PEX5: variants seen among roughly 807,000 people sequenced by gnomAD.
PEX5 encodes PTS1 receptor.
A neutral mutation model predicts 82.9 loss-of-function variants in PEX5; 52 were observed. The observed-to-expected ratio is 0.63, with a 90% CI of 0.50 to 0.79. The LOEUF is 0.79. Ranked by LOEUF, PEX5 falls within the 30% of genes least tolerant of loss-of-function variation. The pLI is 0.00. For synonymous variants in PEX5, 300 were observed against 318.8 expected, an observed-to-expected ratio of 0.94 and a Z score of 0.63; for missense variants, 719 against 815.2, an observed-to-expected ratio of 0.88 and a Z score of 1.44.
At chr12:7,197,440 TTATGTTATATATAATGTAATAATTATA>T (rs1591706386) in intron 5 of PEX5, among the ~76,000 whole-genome samples, 1 of 89,136 alleles carries the variant, frequency 1.1e-5, no homozygotes, top group Non-Finnish European at 2.4e-5. Flanking sequence ...TACAATGTAA[TTATGTTATATATAATGTAATAATTATA>T]TATGTTATAT....
rs1169699895 is a variant in PEX5 at position 7,209,786 on chromosome 12, A to G, written c.1664A>G (p.Tyr555Cys). 5 of 1,614,078 alleles carry G rather than the reference A, an allele frequency of 3.1e-6. No individual in the cohort carries two copies. The South Asian group carries it at 3.3e-5, about 11-fold the overall frequency. Residue 555 changes from tyrosine to cysteine, a missense_variant, in exon 15 of 16, where the codon TAT becomes TGT. By Grantham distance (194) the Tyr-to-Cys change is radical (BLOSUM62 -2). Coordinates refer to ENST00000675855, the MANE Select transcript of PEX5 (RefSeq NM_001351132.2). Reference protein sequence around the residue: ...YRRALELQPGYIRSRYNLGIS... With the variant: ...YRRALELQPGCIRSRYNLGIS... ...CGGGCCCTCGAGCTCCAGCCTGGCT[A>G]TATCCGGTCCCGCTATAACCTGGGC...
chr12:7,202,680 T>A lies in PEX5; in HGVS notation c.822T>A (p.Phe274Leu). ...ACACATCTGCCCTTGATATGGAGTT[T>A]GAACGAGCCAAGTCAGCTATAGAGG... ...PVNTSALDME[F>L]ERAKSAIESD... The change falls in exon 9 of 16, where the codon TTT becomes TTA. Residue 274 changes from phenylalanine (F) to leucine (L), a missense_variant. Phe to Leu is a conservative substitution (Grantham distance 22, BLOSUM62 0). Coordinates refer to ENST00000675855, the MANE Select transcript of PEX5 (RefSeq NM_001351132.2). 1.2e-6 allele frequency: 2 copies of A among 1,613,954 alleles called. No homozygotes were observed. The highest frequency in any genetic ancestry group is 1.7e-6 in the Non-Finnish European group (2 of 1,179,878).
At chr12:7,214,795 G>A (rs901669832), downstream of PEX5, among the ~76,000 whole-genome samples, 4 of 151,952 alleles carry the variant, frequency 2.6e-5, no homozygotes, top group African/African-American at 9.7e-5. Flanking sequence ...TTAAAAACAT[G>A]AATAGATGTT....
chr12:7,216,706 T>C (rs934222058), intron 17 of PEX5, among the ~76,000 whole-genome samples: 10 of 152,308 alleles, frequency 6.6e-5, no homozygotes, highest in Admixed American at 4.6e-4. Context: ...TTTTAGAAAC[T>C]TAGACCCAAA....
chr12:7,206,310 T>G (rs1015988795), intron 10 of PEX5, among the ~76,000 whole-genome samples: 1 of 152,244 alleles, frequency 6.6e-6, no homozygotes, highest in Non-Finnish European at 1.5e-5. Flanking sequence ...CAAATTTTAG[T>G]GTCCATAAAT....
At chr12:7,215,161 C>G (rs1945743129), downstream of PEX5, among the ~76,000 whole-genome samples, 1 of 152,098 alleles carries the variant, frequency 6.6e-6, no homozygotes, top group South Asian at 2.1e-4. Flanking sequence ...AAAAAATGCT[C>G]AACATTACTA....
chr12:7,208,667 T>C lies in PEX5; in HGVS notation c.1392T>C (p.Ser464=), dbSNP rs2136238346. ...PSKRILGSLL[S]DSLFLEVKEL... ...AGCGTATCCTGGGATCTCTCTTGTC[T>C]GAGTGAGTATGAGGGGTTCCTAGGA... The change falls in exon 13 of 16, where the codon TCT becomes TCC. Residue 464 remains serine, a splice_region_variant and synonymous_variant. Coordinates refer to ENST00000675855, the MANE Select transcript of PEX5 (RefSeq NM_001351132.2). 1 of 1,607,868 alleles carries C rather than the reference T, an allele frequency of 6.2e-7. No individual in the cohort carries two copies. Among genetic ancestry groups the C allele is most frequent in the Non-Finnish European group, 8.5e-7 (1 of 1,174,476 alleles).
chr12:7,199,134 C>T, intron 6 of PEX5, 21 bp downstream of exon 6: 1 of 1,395,264 alleles, frequency 7.2e-7, no homozygotes, highest in Non-Finnish European at 1.0e-6. Context: ...ATACCTCTTT[C>T]CGAATCCCGT....
intron 6 of PEX5, among the ~76,000 whole-genome samples, chr12:7,199,629 C>G (rs1363378024): frequency 1.3e-5 from 2 of 151,378 alleles, no homozygotes; most frequent in African/African-American, 2.4e-5. Flanking sequence ...CAGCAACCAT[C>G]GGATTTCTCA....
chr12:7,199,681 G>A (rs1378103068), intron 6 of PEX5, among the ~76,000 whole-genome samples: 4 of 149,814 alleles, frequency 2.7e-5, no homozygotes, highest in African/African-American at 7.3e-5. Context: ...CCACAAAACC[G>A]CCATTGTCAT....
rs1300885117 is a variant in PEX5, at chr12:7,203,181, A to G, written c.847-251A>G. Among the ~76,000 whole-genome samples, 10 of 82,590 alleles carry G rather than the reference A, an allele frequency of 1.2e-4. 2 individuals are homozygous for G. The highest frequency in any genetic ancestry group is 3.8e-4 in the Admixed American group (2 of 5,254). 54.2% of individuals were successfully genotyped at this position (82,590 alleles called of 152,430 possible). The stretch of plus-strand genomic sequence containing the variant: ...CTCAAACAAAAAACTAAACTAAACT[A>G]TGCACTGCACTGCACTGCACTGCAC... On this transcript the variant is annotated intron_variant, in intron 9 of 15. Transcript: ENST00000675855.
At chr12:7,200,732 A>G (rs2136113707) in intron 6 of PEX5, among the ~76,000 whole-genome samples, 1 of 152,322 alleles carries the variant, frequency 6.6e-6, no homozygotes, top group East Asian at 1.9e-4. Context: ...CACCAAAAAA[A>G]TACGAAAACC....
chr12:7,209,134 G>A lies in PEX5; in HGVS notation c.1524G>A (p.Val508=). ...TGAGTGGGGAGTATGACAAGGCCGTGGACTGCTTCACAGCTGCCCTCAGCG... is the reference window on the plus strand; with the variant it reads ...TGAGTGGGGAGTATGACAAGGCCGTAGACTGCTTCACAGCTGCCCTCAGCG... The part of the protein sequence containing the change: ...FNLSGEYDKA[V]DCFTAALSVR... Residue 508 remains valine, a synonymous_variant, in exon 14 of 16, where the codon GTG becomes GTA. Coordinates refer to ENST00000675855, the MANE Select transcript of PEX5 (RefSeq NM_001351132.2). 6.2e-7 allele frequency: 1 copy of A among 1,614,008 alleles called. No individual in the cohort carries two copies. The highest frequency in any genetic ancestry group is 1.1e-5 in the South Asian group (1 of 91,072).
Position 7,190,924 on chromosome 12 carries a change from G to A in PEX5, c.183+1G>A. 1.2e-6 allele frequency: 2 copies of A among 1,612,210 alleles called. No individual in the cohort carries two copies. The highest frequency in any genetic ancestry group is 8.5e-7 in the Non-Finnish European group (1 of 1,178,244). On this transcript the variant is annotated splice_donor_variant, in intron 3 of 15. Transcript: ENST00000675855. LOFTEE classifies it high-confidence loss of function. ...TTTGGGAGTAGCTTCTGAAGATGAG[G>A]TAAATAGACCAGTCTCTTTTCTGTC... is the stretch of plus-strand genomic sequence containing the variant.
chr12:7,190,053 C>T (rs754390279), intron 1 of PEX5: 1 of 1,501,246 alleles, frequency 6.7e-7, no homozygotes, highest in Non-Finnish European at 8.8e-7. Flanking sequence ...TTGAAGCGTC[C>T]CCGTGGTCCC....
chr12:7,202,773 A>C (rs1944267502), intron 9 of PEX5, 69 bp downstream of exon 9: 2 of 1,047,650 alleles, frequency 1.9e-6, no homozygotes, highest in South Asian at 2.5e-5. Flanking sequence ...GGGTGTATGA[A>C]CATCAAAGAT....
At position 7,208,477 on chromosome 12, in the gene PEX5, A is replaced by G; in HGVS notation, c.1202A>G (p.Asp401Gly). ...AACAGGTGTCTGGAGCTAAAGCCAG[A>G]TAACCAGACAGCACTGATGGCGCTG... Reference protein sequence around the residue: ...ALRRCLELKPDNQTALMALAV... With the variant: ...ALRRCLELKPGNQTALMALAV... The change falls in exon 13 of 16, where the codon GAT (aspartate) becomes GGT (glycine). Residue 401 changes from aspartate to glycine, a missense_variant. Coordinates refer to ENST00000675855, the MANE Select transcript of PEX5 (RefSeq NM_001351132.2). 6.2e-7 allele frequency: 1 copy of G among 1,614,082 alleles called. No individual in the cohort carries two copies. The highest frequency in any genetic ancestry group is 8.5e-7 in the Non-Finnish European group (1 of 1,179,930).
At position 7,209,792 on chromosome 12, in the gene PEX5, G is replaced by A. The variant is rs1323103751; in HGVS notation, c.1670G>A (p.Arg557Gln). Reference sequence around the variant, plus strand: ...CTCGAGCTCCAGCCTGGCTATATCCGGTCCCGCTATAACCTGGGCATCAGC... The same window carrying A: ...CTCGAGCTCCAGCCTGGCTATATCCAGTCCCGCTATAACCTGGGCATCAGC... ...RALELQPGYIRSRYNLGISCI... is the reference protein window; with the variant it reads ...RALELQPGYIQSRYNLGISCI... Residue 557 changes from arginine to glutamine, a missense_variant, in exon 15 of 16, where the codon CGG (arginine) becomes CAG (glutamine). Transcript: ENST00000675855. 3.7e-6 allele frequency: 6 copies of A among 1,614,196 alleles called. No individual in the cohort carries two copies. The highest frequency in any genetic ancestry group is 1.1e-5 in the South Asian group (1 of 91,086).
chr12:7,202,283 C>T lies in PEX5; in HGVS notation c.685C>T (p.Leu229=), dbSNP rs766827947. The change falls in exon 8 of 16, where the codon CTG becomes TTG. Residue 229 remains leucine (L), a synonymous_variant. Transcript: ENST00000675855. ...GCAGATTGGCGAAGGGCAGGTGTCC[C>T]TGGAGTCCGGTGCAGGGTCGGGCCG... ...VRQIGEGQVS[L]ESGAGSGRAQ... is the part of the protein sequence containing the mutation. 1 of 1,614,050 alleles carries T rather than the reference C, an allele frequency of 6.2e-7. No homozygotes were observed. Among genetic ancestry groups the T allele is most frequent in the South Asian group, 1.1e-5 (1 of 91,068 alleles).
Sources: allele counts gnomAD v4.1 joint callset (sites outside exome capture counted in the v4.1 genomes callset), GRCh38; gene constraint gnomAD v4.1.1; transcripts MANE v1.5; gene names NCBI Gene and HGNC (gene_info 2026-07-23, HGNC 2026-07-21).